Variants in DPP10 observed in about 807,000 individuals in gnomAD.
DPP10 encodes the protein inactive dipeptidyl peptidase 10.
A neutral mutation model predicts 120.9 loss-of-function variants in DPP10; 33 were observed. The observed-to-expected ratio is 0.27, with a 90% CI of 0.21 to 0.37. The LOEUF is 0.37. Among genes scored for constraint, DPP10 ranks in the 10% least tolerant of loss-of-function variants. The probability of loss-of-function intolerance (pLI) is 1.00; values close to 1 mark genes in which losing one functional copy is unlikely to be tolerated. For synonymous variants in DPP10, 337 were observed against 326.1 expected (o/e 1.03, Z -0.36); for missense variants, 816 against 942.8 (o/e 0.87, Z 1.76).
intron 4 of DPP10, among the ~76,000 whole-genome samples, chr2:115,516,045 G>C (rs1245648099): frequency 6.6e-6 from 1 of 152,096 alleles, no homozygotes; most frequent in East Asian, 1.9e-4. Context: ...TTCTGAGAAA[G>C]TGGACAATAC....
chr2:114,868,273 G>C (rs180979309), intron 1 of DPP10, among the ~76,000 whole-genome samples: 31 of 152,300 alleles, frequency 2.0e-4, no homozygotes, highest in African/African-American at 7.5e-4. Flanking sequence ...GACATTGCCA[G>C]TACTCCCATG....
At chr2:114,707,868 G>A (rs1182611952) in intron 1 of DPP10, among the ~76,000 whole-genome samples, 1 of 152,140 alleles carries the variant, frequency 6.6e-6, no homozygotes, top group Non-Finnish European at 1.5e-5. Flanking sequence ...TGTCAGTTAT[G>A]GAAAGGGGAA....
At chr2:114,686,585 C>A (rs1699383754) in intron 1 of DPP10, among the ~76,000 whole-genome samples, 1 of 151,842 alleles carries the variant, frequency 6.6e-6, no homozygotes, top group South Asian at 2.1e-4. Context: ...ACCTAGTTAG[C>A]CCCATCAGAA....
intron 1 of DPP10, among the ~76,000 whole-genome samples, chr2:114,983,595 G>A (rs939893202): frequency 1.3e-5 from 2 of 152,018 alleles, no homozygotes; most frequent in Admixed American, 1.3e-4. Flanking sequence ...TTTATACATG[G>A]TTAAAGGCTT....
In DPP10 at chr2:114,544,228, C is replaced by T. The variant is rs1558865472; in HGVS notation, c.60+101390C>T. 2.6e-5 allele frequency among the ~76,000 whole-genome samples: 4 copies of T among 152,132 alleles called. No homozygotes were observed. In the South Asian group the frequency reaches 8.3e-4, roughly 32 times the overall value. On this transcript the variant is annotated intron_variant, in intron 1 of 25. Transcript: ENST00000410059. The stretch of plus-strand genomic sequence containing the variant: ...TTAAATGAAGTGGTCAGGATGGGTT[C>T]CATTGAGAAGTGAATGTGAGTCAAG...
chr2:115,135,280 A>G (rs1167089202), intron 1 of DPP10, among the ~76,000 whole-genome samples: 1 of 151,918 alleles, frequency 6.6e-6, no homozygotes, highest in African/African-American at 2.4e-5. Context: ...AGAACATAAT[A>G]GCTTTTCTAC....
At chr2:115,363,085 G>A (rs1397172128) in intron 3 of DPP10, among the ~76,000 whole-genome samples, 1 of 152,146 alleles carries the variant, frequency 6.6e-6, no homozygotes, top group Non-Finnish European at 1.5e-5. Context: ...AAAGCATGAA[G>A]CTTAAACCTA....
At chr2:114,484,471 T>TA (rs1320064195) in intron 1 of DPP10, among the ~76,000 whole-genome samples, 1 of 152,194 alleles carries the variant, frequency 6.6e-6, no homozygotes, top group East Asian at 1.9e-4. Flanking sequence ...TAACAGCAAG[T>TA]AAAAACATAC....
intron 1 of DPP10, among the ~76,000 whole-genome samples, chr2:114,597,418 T>G (rs1282979863): frequency 6.6e-6 from 1 of 151,938 alleles, no homozygotes; most frequent in East Asian, 1.9e-4. Flanking sequence ...ATGCTCAGAG[T>G]AAATATAGGA....
intron 1 of DPP10, among the ~76,000 whole-genome samples, chr2:114,801,173 G>A (rs1369771644): frequency 2.7e-5 from 4 of 150,506 alleles, no homozygotes; most frequent in African/African-American, 9.8e-5. Flanking sequence ...TGAGGCAGGA[G>A]AATGGCGTGA....
At chr2:115,252,141 CT>C in intron 1 of DPP10, among the ~76,000 whole-genome samples, 1 of 152,258 alleles carries the variant, frequency 6.6e-6, no homozygotes, top group East Asian at 1.9e-4. Flanking sequence ...CCAACTTTCT[CT>C]CTTATTCAGG....
At chr2:115,827,306 TATACAC>T (rs1164421479) in intron 21 of DPP10, among the ~76,000 whole-genome samples, 1 of 136,158 alleles carries the variant, frequency 7.3e-6, no homozygotes, top group Non-Finnish European at 1.6e-5. Flanking sequence ...CATACATATA[TATACAC>T]ATGTACATGT....
At chr2:115,653,730 A>G (rs1001021368) in intron 5 of DPP10, among the ~76,000 whole-genome samples, 12 of 151,822 alleles carry the variant, frequency 7.9e-5, no homozygotes, top group African/African-American at 2.9e-4. Flanking sequence ...GTTGATGTTG[A>G]TGTGATAATA....
chr2:115,331,604 C>G (rs974680523), intron 2 of DPP10, among the ~76,000 whole-genome samples: 65 of 152,242 alleles, frequency 4.3e-4, no homozygotes, highest in African/African-American at 1.5e-3. Flanking sequence ...CCCATCAATA[C>G]CGAATTTATT....
chr2:115,596,827 G>A (rs966646383), intron 5 of DPP10, among the ~76,000 whole-genome samples: 4 of 152,134 alleles, frequency 2.6e-5, no homozygotes, highest in Non-Finnish European at 5.9e-5. Flanking sequence ...CACTTTTAAT[G>A]TACACAGGTA....
At chr2:114,661,747 C>T (rs934269129) in intron 1 of DPP10, among the ~76,000 whole-genome samples, 1 of 152,162 alleles carries the variant, frequency 6.6e-6, no homozygotes, top group Non-Finnish European at 1.5e-5. Flanking sequence ...GACTCCATGG[C>T]ATTTGGACAC....
chr2:115,001,825 G>A (rs1169396723), intron 1 of DPP10, among the ~76,000 whole-genome samples: 1 of 152,056 alleles, frequency 6.6e-6, no homozygotes, highest in Non-Finnish European at 1.5e-5. Context: ...AGCTAACCAG[G>A]GAGGCGAAAG....
rs554645153 is a variant in DPP10, at chr2:115,302,255, G to A, written c.61-6984G>A. The stretch of plus-strand genomic sequence containing the variant: ...GCCCCTTCTCCAGTTGATCCCACTA[G>A]GCCCCTTCTCCACCATGATATTTTG... On this transcript the variant is annotated intron_variant, in intron 1 of 25. Coordinates refer to ENST00000410059, the MANE Select transcript of DPP10 (RefSeq NM_020868.6). Among the ~76,000 whole-genome samples, 117 of 151,988 alleles carry A rather than the reference G, an allele frequency of 7.7e-4. 1 individual carries two copies. Among genetic ancestry groups the A allele is most frequent in the African/African-American group, 2.7e-3 (110 of 41,476 alleles).
At chr2:114,896,607 G>T (rs1693024885) in intron 1 of DPP10, among the ~76,000 whole-genome samples, 1 of 152,204 alleles carries the variant, frequency 6.6e-6, no homozygotes, top group African/African-American at 2.4e-5. Flanking sequence ...CTTTGCTGAA[G>T]TTGCTTATCA....
Sources: gnomAD v4.1 joint callset for allele counts (sites outside exome capture counted in the v4.1 genomes callset) on GRCh38, gnomAD v4.1.1 for gene constraint, MANE v1.5 for transcripts, NCBI Gene and HGNC (gene_info 2026-07-23, HGNC 2026-07-21) for gene names.